Variants in LAPTM5 observed in about 807,000 individuals in gnomAD.
LAPTM5 encodes lysosomal-associated transmembrane protein 5.
A neutral mutation model predicts 30.1 loss-of-function variants in LAPTM5; 11 were observed. That is an observed-to-expected ratio of 0.37 (90% confidence interval 0.23 to 0.60). The LOEUF (loss-of-function observed/expected upper bound fraction) is 0.60. Ranked by LOEUF, LAPTM5 falls within the 20% of genes least tolerant of loss-of-function variation. LAPTM5 has a pLI of 0.71. For missense variants in LAPTM5, 324 were observed against 332.5 expected (o/e 0.97, Z 0.20); for synonymous variants, 151 against 137.9 (o/e 1.10, Z -0.67).
Position 30,757,769 on chromosome 1 carries a change from G to T in LAPTM5, c.-24C>A, listed in dbSNP as rs377425364. On this transcript the variant is annotated 5_prime_UTR_variant, in exon 1 of 8. Coordinates refer to ENST00000294507, the MANE Select transcript of LAPTM5 (RefSeq NM_006762.3). ...ATGGTGCTGCCGTCCCCTCCTCTGA[G>T]ACACTGAAGGGGAAAGAGCCTGGTG... The T allele has an allele frequency of 1.6e-5, 25 of 1,607,512 alleles. No individual in the cohort carries two copies. The African/African-American group carries it at 3.2e-4, about 21-fold the overall frequency.
At chr1:30,743,809 T>TTC (rs1463678803) in intron 1 of LAPTM5, among the ~76,000 whole-genome samples, 1 of 148,798 alleles carries the variant, frequency 6.7e-6, no homozygotes, top group Admixed American at 6.7e-5. Flanking sequence ...TTTTTTTTTT[T>TTC]TTTTTTTTAG....
intron 6 of LAPTM5, among the ~76,000 whole-genome samples, chr1:30,735,957 A>G (rs2124175716): frequency 6.6e-6 from 1 of 152,310 alleles, no homozygotes; most frequent in East Asian, 1.9e-4. Context: ...AGAATGAAGC[A>G]TGAAGGCCCA....
chr1:30,737,685 G>A lies in LAPTM5; in HGVS notation c.525C>T (p.Ser175=). Residue 175 remains serine (S), a synonymous_variant, in exon 6 of 8, where the codon AGC becomes AGT. Transcript: ENST00000294507. ...ACTGGTTATGAGGCATATCCTCCTG[G>A]CTGGGGAGGTAATTCTGCAACAGAT... ...KSMNHMNYLP[S]QEDMPHNQFI... The A allele has an allele frequency of 1.2e-6, 2 of 1,612,046 alleles. No individual in the cohort carries two copies. The highest frequency in any genetic ancestry group is 1.7e-6 in the Non-Finnish European group (2 of 1,178,384).
rs540808577 is a variant in LAPTM5 at position 30,737,215 on chromosome 1, G to A, written c.606+389C>T. On this transcript the variant is annotated intron_variant, in intron 6 of 7. Coordinates refer to ENST00000294507, the MANE Select transcript of LAPTM5 (RefSeq NM_006762.3). ...TAATCTCAGGTACATTTTGATGCCT[G>A]AATTACATAAAACTGTAACACAGGC... Among the ~76,000 whole-genome samples, 16 of 152,270 alleles carry A rather than the reference G, an allele frequency of 1.1e-4. 1 individual carries two copies. The highest frequency in any genetic ancestry group is 3.9e-4 in the African/African-American group (16 of 41,544).
chr1:30,733,886 G>A lies in LAPTM5; in HGVS notation c.731C>T (p.Ser244Phe). The A allele has an allele frequency of 6.2e-7, 1 of 1,611,798 alleles. No homozygotes were observed. Among genetic ancestry groups the A allele is most frequent in the South Asian group, 1.1e-5 (1 of 90,946 alleles). ...CCCCTCTGGGGTCTTCGATGGCAAA[G>A]ACAGGGCTTCCTCGTAGGACGGCAG... ...VVLPSYEEALSLPSKTPEGGP... is the reference protein window; with the variant it reads ...VVLPSYEEALFLPSKTPEGGP... The change falls in exon 8 of 8, where the codon TCT (serine) becomes TTT (phenylalanine). Residue 244 changes from serine (S) to phenylalanine (F), a missense_variant. Coordinates refer to ENST00000294507, the MANE Select transcript of LAPTM5 (RefSeq NM_006762.3).
rs3833525 is a variant in LAPTM5 at position 30,741,766 on chromosome 1, CAG to C, written c.182-52_182-51del. 2.9e-3 allele frequency: 4,150 copies of C among 1,415,526 alleles called. 71 individuals carry two copies. The East Asian group carries it at 0.047, about 16-fold the overall frequency. 87.7% of individuals were successfully genotyped at this position (1,415,526 alleles called of 1,614,324 possible). On this transcript the variant is annotated intron_variant, in intron 2 of 7. Transcript: ENST00000294507. ...GTGCTCAGGGGTGCCCCTGGGACCC[CAG>C]CCAGGCTCCCAGGACCACACTTGGG...
chr1:30,752,518 C>CG (rs1640151839), intron 1 of LAPTM5, among the ~76,000 whole-genome samples: 1 of 152,214 alleles, frequency 6.6e-6, no homozygotes, highest in South Asian at 2.1e-4. Flanking sequence ...CCCCGCCCAG[C>CG]GTGACCTCTT....
At position 30,733,630 on chromosome 1, in the gene LAPTM5, CAGCCTAA is replaced by C. The variant is rs1377646145; in HGVS notation, c.*191_*197del. The C allele has an allele frequency of 1.3e-6, 2 of 1,532,652 alleles. No individual in the cohort carries two copies. The highest frequency in any genetic ancestry group is 2.7e-5 in the African/African-American group (2 of 72,990). 94.9% of individuals were successfully genotyped at this position (1,532,652 alleles called of 1,614,324 possible). ...TTATGGAGAGACCCGAGGAGTGACT[CAGCCTAA>C]AGCGTTGACCCAGTTGTGAGCAGCT... On this transcript the variant is annotated 3_prime_UTR_variant, in exon 8 of 8. Coordinates refer to ENST00000294507, the MANE Select transcript of LAPTM5 (RefSeq NM_006762.3).
rs1639977973 is a variant in LAPTM5, at chr1:30,741,981, G to C, written c.182-265C>G. ...TTCAGCCAGGGTGAGGCTGAGGAAG[G>C]CATCCCTGGGGAGTGGCCTGAGAGC... is the stretch of plus-strand genomic sequence containing the variant. On this transcript the variant is annotated intron_variant, in intron 2 of 7. Transcript: ENST00000294507. 1.0e-5 allele frequency: 4 copies of C among 384,584 alleles called. No homozygotes were observed. In the South Asian group the frequency reaches 1.2e-4, roughly 12 times the overall value. 23.8% of individuals were successfully genotyped at this position (384,584 alleles called of 1,614,324 possible). A position where few individuals can be genotyped will look rare whatever the true frequency, so the allele number is the denominator to read the frequency against.
chr1:30,742,409 C>T (rs774512442), intron 2 of LAPTM5, 47 bp downstream of exon 2: 2 of 1,411,646 alleles, frequency 1.4e-6, no homozygotes, highest in South Asian at 1.2e-5. Flanking sequence ...CCAGGGCCCT[C>T]CCTGTCCTCC....
rs1639843556 is a variant in LAPTM5, at chr1:30,733,595, T to C, written c.*233A>G. ...GCTGATTGAAATAAACCAAGCATTG[T>C]TGGGCTGAATTATGGAGAGACCCGA... On this transcript the variant is annotated 3_prime_UTR_variant, in exon 8 of 8. Transcript: ENST00000294507. 2 of 1,525,006 alleles carry C rather than the reference T, an allele frequency of 1.3e-6. No homozygotes were observed. Among genetic ancestry groups the C allele is most frequent in the African/African-American group, 2.7e-5 (2 of 72,816 alleles). 94.5% of individuals were successfully genotyped at this position (1,525,006 alleles called of 1,614,324 possible).
In LAPTM5 at chr1:30,739,268, A is replaced by G. The variant is rs2124180241; in HGVS notation, c.388-206T>C. The stretch of plus-strand genomic sequence containing the variant: ...ACCCAAGACTAGAACCAAGGTCTCC[A>G]GACTCCCGGGCCAGGGCCCTTCCAT... On this transcript the variant is annotated intron_variant, in intron 4 of 7. Coordinates refer to ENST00000294507, the MANE Select transcript of LAPTM5 (RefSeq NM_006762.3). This position sits in a 1 kb window ranked among gnomAD's most constrained non-coding sequence, Gnocchi z 4.2. 1.8e-6 allele frequency: 1 copy of G among 570,730 alleles called. No homozygotes were observed. Among genetic ancestry groups the G allele is most frequent in the African/African-American group, 1.9e-5 (1 of 52,890 alleles). The allele number at this position is 570,730 out of a possible 1,614,324, so 35.4% of individuals were successfully genotyped here.
rs1639972062 is a variant in LAPTM5 at position 30,741,661 on chromosome 1, G to T, written c.237C>A (p.Ser79Arg). Residue 79 changes from serine (S) to arginine (R), a missense_variant, in exon 3 of 8, where the codon AGC becomes AGA. Coordinates refer to ENST00000294507, the MANE Select transcript of LAPTM5 (RefSeq NM_006762.3). ...LITMLFIISL[S>R]LLIGVVKNRE... Reference sequence around the variant, plus strand: ...TCACCTTGACTACGCCGATCAGTAGGCTCAGGCTGATGATGAAGAGCATGG... The same window carrying T: ...TCACCTTGACTACGCCGATCAGTAGTCTCAGGCTGATGATGAAGAGCATGG... 1.2e-6 allele frequency: 2 copies of T among 1,606,892 alleles called. No individual in the cohort carries two copies. Among genetic ancestry groups the T allele is most frequent in the East Asian group, 4.5e-5 (2 of 44,612 alleles).
chr1:30,748,047 G>A (rs2124192635), intron 1 of LAPTM5, among the ~76,000 whole-genome samples: 1 of 152,156 alleles, frequency 6.6e-6, no homozygotes, highest in Admixed American at 6.5e-5. Context: ...CCTTCTGCAG[G>A]AGAGCAGGCC....
intron 2 of LAPTM5, chr1:30,742,211 C>T: frequency 3.6e-6 from 2 of 560,384 alleles, no homozygotes; most frequent in Non-Finnish European, 6.4e-6. Flanking sequence ...CCTTTACCAG[C>T]TGGTGGGGAT....
At chr1:30,745,749 A>C (rs1210621862) in intron 1 of LAPTM5, among the ~76,000 whole-genome samples, 3 of 152,228 alleles carry the variant, frequency 2.0e-5, no homozygotes, top group Non-Finnish European at 4.4e-5. Context: ...CCAGGCACCC[A>C]TGTGGCTCTC....
At chr1:30,748,761 C>T (rs147651932) in intron 1 of LAPTM5, among the ~76,000 whole-genome samples, 29 of 152,344 alleles carry the variant, frequency 1.9e-4, no homozygotes, top group African/African-American at 4.8e-4. Flanking sequence ...TTCACTCTTC[C>T]GCAGTTCTCG....
chr1:30,750,809 C>T (rs558549571), intron 1 of LAPTM5, among the ~76,000 whole-genome samples: 2 of 152,286 alleles, frequency 1.3e-5, no homozygotes, highest in South Asian at 2.1e-4. Context: ...GCCATTTTTC[C>T]GGTGCCACAA....
chr1:30,740,105 T>C lies in LAPTM5; in HGVS notation c.259-168A>G, dbSNP rs542852834. Among the ~76,000 whole-genome samples, 4 of 152,170 alleles carry C rather than the reference T, an allele frequency of 2.6e-5. No individual in the cohort carries two copies. The South Asian group carries it at 8.3e-4, about 32-fold the overall frequency. Reference sequence around the variant, plus strand: ...TGACACTCTGGGGACAGGGAGTGGATAAGACCCAGGCCCTGAATGAGAGGA... The same window carrying C: ...TGACACTCTGGGGACAGGGAGTGGACAAGACCCAGGCCCTGAATGAGAGGA... On this transcript the variant is annotated intron_variant, in intron 3 of 7. Transcript: ENST00000294507.
Sources: gnomAD v4.1 joint callset for allele counts (sites outside exome capture counted in the v4.1 genomes callset) on GRCh38, gnomAD v4.1.1 for gene constraint, Gnocchi (gnomAD v3.1) non-coding constraint, MANE v1.5 for transcripts, NCBI Gene and HGNC (gene_info 2026-07-23, HGNC 2026-07-21) for gene names.